Variants in GAD2 observed in about 807,000 individuals in gnomAD.
GAD2 encodes the protein 65 kDa glutamic acid decarboxylase.
GAD2 carries 22 observed loss-of-function variants against 80.1 expected under a neutral mutation model. The observed-to-expected ratio is 0.27, with a 90% CI of 0.20 to 0.39. The LOEUF is 0.39. Among genes scored for constraint, GAD2 ranks in the 10% least tolerant of loss-of-function variants. The pLI is 1.00. For missense variants in GAD2, 624 were observed against 738.4 expected (o/e 0.85, Z 1.80); for synonymous variants, 274 against 256.9 (o/e 1.07, Z -0.64).
rs373759383 is a variant in GAD2, at chr10:26,287,164, G to T, written c.1386+670G>T. ...ATGTAAGCAGGCTGGATAGGTCAAA[G>T]ATTTTATTTTTAATTTTGACCAGAT... On this transcript the variant is annotated intron_variant, in intron 13 of 15. Coordinates refer to ENST00000376261, the MANE Select transcript of GAD2 (RefSeq NM_001134366.2). 1.7e-3 allele frequency among the ~76,000 whole-genome samples: 262 copies of T among 152,228 alleles called. 7 individuals are homozygous for T. The South Asian group carries it at 0.052, about 30-fold the overall frequency.
In GAD2 at chr10:26,304,386, C is replaced by CAT. The variant is rs1834359505; in HGVS notation, c.*3426_*3427dup. On this transcript the variant is annotated 3_prime_UTR_variant, in exon 16 of 16. Transcript: ENST00000376261. ...TTCCCAAATTGGTGTTTCTGAATGA[C>CAT]ATCAACATTCCCCCAACATTACTCC... 6.6e-6 allele frequency: 1 copy of CAT among 152,614 alleles called. No individual in the cohort carries two copies. Among genetic ancestry groups the CAT allele is most frequent in the Non-Finnish European group, 1.5e-5 (1 of 68,042 alleles). 9.5% of individuals were successfully genotyped at this position (152,614 alleles called of 1,614,324 possible). A position where few individuals can be genotyped will look rare whatever the true frequency, so the allele number is the denominator to read the frequency against.
At chr10:26,245,438 C>G (rs1238247967) in intron 7 of GAD2, among the ~76,000 whole-genome samples, 1 of 131,312 alleles carries the variant, frequency 7.6e-6, no homozygotes, top group Non-Finnish European at 1.5e-5. Context: ...GTTGTTTTAC[C>G]ACAATTTTTT....
intron 13 of GAD2, among the ~76,000 whole-genome samples, chr10:26,289,793 CT>C (rs35001308): frequency 0.2 from 27,585 of 135,522 alleles, 1,881 homozygotes; most frequent in African/African-American, 0.28. Flanking sequence ...TCCCCCCCAC[CT>C]TTTTTTTTTT....
chr10:26,286,841 T>C (rs934928963), intron 13 of GAD2, among the ~76,000 whole-genome samples: 2 of 152,194 alleles, frequency 1.3e-5, no homozygotes, highest in Admixed American at 1.3e-4. Flanking sequence ...ATCACCTGGG[T>C]AGGTGAATGC....
At chr10:26,258,644 T>C (rs1425337641) in intron 8 of GAD2, among the ~76,000 whole-genome samples, 2 of 152,206 alleles carry the variant, frequency 1.3e-5, no homozygotes, top group African/African-American at 2.4e-5. Flanking sequence ...AGGATTCGAC[T>C]TTTTGTAACT....
rs375300049 is a variant in GAD2, at chr10:26,223,932, T to C, written c.566T>C (p.Val189Ala). Reference sequence around the variant, plus strand: ...CAACTTTCTACTGGTTTGGATATGGTTGGATTAGCAGCAGACTGGCTGACA... The same window carrying C: ...CAACTTTCTACTGGTTTGGATATGGCTGGATTAGCAGCAGACTGGCTGACA... ...FNQLSTGLDM[V>A]GLAADWLTST... Residue 189 changes from valine to alanine, a missense_variant, in exon 5 of 16, where the codon GTT becomes GCT. Val to Ala is a moderately conservative substitution (Grantham distance 64). Coordinates refer to ENST00000376261, the MANE Select transcript of GAD2 (RefSeq NM_001134366.2). The C allele has an allele frequency of 1.2e-6, 2 of 1,610,570 alleles. No homozygotes were observed. Among genetic ancestry groups the C allele is most frequent in the African/African-American group, 1.4e-5 (1 of 73,920 alleles).
intron 7 of GAD2, among the ~76,000 whole-genome samples, chr10:26,237,538 CAG>C (rs1844689804): frequency 6.6e-6 from 1 of 151,868 alleles, no homozygotes; most frequent in African/African-American, 2.4e-5. Flanking sequence ...GGAGACGAGA[CAG>C]AGGGAGCAGG....
chr10:26,276,538 T>G (rs1216453156), intron 11 of GAD2, among the ~76,000 whole-genome samples: 1 of 152,092 alleles, frequency 6.6e-6, no homozygotes, highest in Non-Finnish European at 1.5e-5. Flanking sequence ...TGCGCCACCA[T>G]GCCTGGCCAA....
At chr10:26,267,101 T>C (rs548831879) in intron 8 of GAD2, among the ~76,000 whole-genome samples, 1 of 152,204 alleles carries the variant, frequency 6.6e-6, no homozygotes, top group Non-Finnish European at 1.5e-5. Context: ...AAGTTAAGTA[T>C]GATATGATTT....
At chr10:26,274,931 G>A (rs1200193208) in intron 11 of GAD2, among the ~76,000 whole-genome samples, 1 of 152,214 alleles carries the variant, frequency 6.6e-6, no homozygotes, top group Non-Finnish European at 1.5e-5. Flanking sequence ...CGGTGTTAAG[G>A]CACCTGGAGC....
At chr10:26,268,353 AGCTACTCGGGAG>A (rs1845095618) in intron 8 of GAD2, among the ~76,000 whole-genome samples, 1 of 151,934 alleles carries the variant, frequency 6.6e-6, no homozygotes, top group African/African-American at 2.4e-5. Flanking sequence ...CTGTAGTCCC[AGCTACTCGGGAG>A]GCTGAGGCAG....
intron 6 of GAD2, among the ~76,000 whole-genome samples, chr10:26,229,017 C>T (rs994369009): frequency 1.9e-4 from 29 of 151,948 alleles, no homozygotes; most frequent in Admixed American, 1.7e-3. Context: ...TGGTGAAACC[C>T]CGTCTCTACT....
At chr10:26,263,871 A>G (rs1424511840) in intron 8 of GAD2, among the ~76,000 whole-genome samples, 1 of 152,260 alleles carries the variant, frequency 6.6e-6, no homozygotes, top group African/African-American at 2.4e-5. Flanking sequence ...GGGCTTCCAG[A>G]AAACCACATG....
chr10:26,286,431 C>A lies in GAD2; in HGVS notation c.1323C>A (p.Asp441Glu). 6.2e-7 allele frequency: 1 copy of A among 1,614,016 alleles called. No individual in the cohort carries two copies. The highest frequency in any genetic ancestry group is 8.5e-7 in the Non-Finnish European group (1 of 1,179,922). ...ATGACCTGTCCTATGACACTGGAGA[C>A]AAGGCCTTACAGTGCGGACGCCACG... Reference protein sequence around the residue: ...KHYDLSYDTGDKALQCGRHVD... With the variant: ...KHYDLSYDTGEKALQCGRHVD... Residue 441 changes from aspartate to glutamate, a missense_variant, in exon 13 of 16, where the codon GAC (aspartate) becomes GAA (glutamate). By Grantham distance (45) the Asp-to-Glu change is conservative. Transcript: ENST00000376261.
At chr10:26,250,664 G>A (rs1281376392) in intron 8 of GAD2, among the ~76,000 whole-genome samples, 1 of 152,180 alleles carries the variant, frequency 6.6e-6, no homozygotes, top group Admixed American at 6.5e-5. Flanking sequence ...TGAGGGCAAT[G>A]TGAGTGGAAG....
intron 6 of GAD2, among the ~76,000 whole-genome samples, chr10:26,227,590 C>A (rs1026726342): frequency 6.6e-6 from 1 of 152,208 alleles, no homozygotes; most frequent in African/African-American, 2.4e-5. Flanking sequence ...TTTTGCTCCC[C>A]ACAAGGGACA....
At chr10:26,225,547 C>T (rs935168203) in intron 6 of GAD2, among the ~76,000 whole-genome samples, 4 of 152,130 alleles carry the variant, frequency 2.6e-5, no homozygotes, top group East Asian at 1.9e-4. Context: ...CAACACCTGT[C>T]GTTGTGTCAG....
Position 26,230,241 on chromosome 10 carries a change from AAGGGAAGGGGAAGAGG to A in GAD2, c.840+489_840+504del, listed in dbSNP as rs899289395. ...CTTCTGCGCAATCAAGTTGCATATT[AAGGGAAGGGGAAGAGG>A]AGGGAAGGGGAAGAGGAGGGAAGGC... On this transcript the variant is annotated intron_variant, in intron 7 of 15. Transcript: ENST00000376261. Among the ~76,000 whole-genome samples the A allele has an allele frequency of 2.8e-4, 42 of 152,188 alleles. 2 individuals carry two copies. The East Asian group carries it at 3.1e-3, about 11-fold the overall frequency.
intron 8 of GAD2, among the ~76,000 whole-genome samples, chr10:26,263,900 T>C (rs1055780696): frequency 3.3e-5 from 5 of 152,210 alleles, no homozygotes; most frequent in Non-Finnish European, 7.3e-5. Flanking sequence ...GCATATGTCA[T>C]TACAATCCTA....
Sources: gnomAD v4.1 joint callset for allele counts (sites outside exome capture counted in the v4.1 genomes callset) on GRCh38, gnomAD v4.1.1 for gene constraint, MANE v1.5 for transcripts, NCBI Gene and HGNC (gene_info 2026-07-23, HGNC 2026-07-21) for gene names.